RGS6: variants seen among roughly 807,000 people sequenced by gnomAD.
RGS6 encodes regulator of G protein signaling 6.
Under a neutral mutation model 78.5 loss-of-function variants are expected in RGS6, and 30 were observed. The observed-to-expected ratio is 0.38, with a 90% CI of 0.29 to 0.52. RGS6 has a LOEUF of 0.52. Ranked by LOEUF, RGS6 falls within the 20% of genes least tolerant of loss-of-function variation. The pLI, the probability that RGS6 is intolerant of heterozygous loss-of-function variation, is 0.85. For missense variants in RGS6, 495 were observed against 609.7 expected (o/e 0.81, Z 1.98); for synonymous variants, 206 against 206.0 (o/e 1.00, Z 0.00).
At position 72,562,590 on chromosome 14, in the gene RGS6, G is replaced by A; in HGVS notation, c.*123G>A. 1.3e-6 allele frequency: 2 copies of A among 1,540,796 alleles called. No homozygotes were observed. The highest frequency in any genetic ancestry group is 2.4e-5 in the East Asian group (1 of 41,238). On this transcript the variant is annotated 3_prime_UTR_variant, in exon 18 of 18. Coordinates refer to ENST00000553525, the MANE Select transcript of RGS6 (RefSeq NM_001204424.2). ...GGTCACTGTGAAGGAGAAAGAGTGA[G>A]GGCAATGAAGGGCGATGGTGGGGAG...
intron 13 of RGS6, among the ~76,000 whole-genome samples, chr14:72,506,948 A>G (rs1318383591): frequency 1.4e-5 from 2 of 139,334 alleles, no homozygotes; most frequent in African/African-American, 5.2e-5. Context: ...GGAGATCGAG[A>G]CCATCCTGGC....
At chr14:71,983,927 G>A (rs543175019) in intron 2 of RGS6, among the ~76,000 whole-genome samples, 1 of 152,314 alleles carries the variant, frequency 6.6e-6, no homozygotes, top group Admixed American at 6.5e-5. Context: ...AACAAGTAGT[G>A]TACTTATTGA....
intron 13 of RGS6, among the ~76,000 whole-genome samples, chr14:72,505,392 G>T (rs928577358): frequency 8.5e-5 from 13 of 152,166 alleles, no homozygotes; most frequent in African/African-American, 3.1e-4. Context: ...TGACAGAAGG[G>T]AAAGGGAGCT....
intron 2 of RGS6, among the ~76,000 whole-genome samples, chr14:72,188,095 T>C (rs1465060321): frequency 6.6e-6 from 1 of 152,138 alleles, no homozygotes; most frequent in African/African-American, 2.4e-5. Context: ...TGTCCAGTGT[T>C]CCTAAGTGCA....
Position 71,964,782 on chromosome 14 carries a change from G to C in RGS6, c.-10G>C. 6.2e-7 allele frequency: 1 copy of C among 1,605,964 alleles called. No homozygotes were observed. The highest frequency in any genetic ancestry group is 2.2e-5 in the East Asian group (1 of 44,806). On this transcript the variant is annotated 5_prime_UTR_variant, in exon 2 of 18. Transcript: ENST00000553525. ...CATTTATTTTTGCAGTGTGAGTGAA[G>C]ACACTCAGGATGGCTCAAGGATCCG...
chr14:72,475,720 A>T (rs532699533), intron 10 of RGS6, among the ~76,000 whole-genome samples: 8 of 151,662 alleles, frequency 5.3e-5, no homozygotes. Flanking sequence ...CAAGAGCGAG[A>T]CTCCATCTCA....
At chr14:71,943,140 T>C (rs1381729403) in intron 1 of RGS6, among the ~76,000 whole-genome samples, 1 of 152,190 alleles carries the variant, frequency 6.6e-6, no homozygotes, top group African/African-American at 2.4e-5. Context: ...CCTGTGTTGC[T>C]CTCATGAAGA....
intron 2 of RGS6, among the ~76,000 whole-genome samples, chr14:72,337,895 C>A (rs1421853372): frequency 2.0e-5 from 3 of 152,194 alleles, no homozygotes; most frequent in Admixed American, 6.5e-5. Context: ...AGGGTTTCTT[C>A]TTAGATTAAA....
At chr14:72,614,172 G>T in the RGS6 span, among the ~76,000 whole-genome samples, 1 of 152,194 alleles carries the variant, frequency 6.6e-6, no homozygotes, top group African/African-American at 2.4e-5. Context: ...CAAACCCTGG[G>T]AATGCTCAGA....
At chr14:72,001,888 C>T (rs1355190472) in intron 2 of RGS6, among the ~76,000 whole-genome samples, 1 of 134,112 alleles carries the variant, frequency 7.5e-6, no homozygotes, top group Admixed American at 8.2e-5. Flanking sequence ...TTTAGACATC[C>T]ATTAATCTTT....
At chr14:71,947,470 C>T (rs2091700847) in intron 1 of RGS6, among the ~76,000 whole-genome samples, 1 of 152,152 alleles carries the variant, frequency 6.6e-6, no homozygotes, top group Non-Finnish European at 1.5e-5. Flanking sequence ...AAATCTGTTT[C>T]TAATCCCAAG....
downstream of RGS6, among the ~76,000 whole-genome samples, chr14:72,568,994 C>A (rs948805363): frequency 3.3e-5 from 5 of 152,126 alleles, no homozygotes; most frequent in African/African-American, 1.2e-4. Context: ...AGGGAGCGGA[C>A]GTTTAAAAAA....
At chr14:72,474,340 A>G (rs1325812012) in intron 9 of RGS6, among the ~76,000 whole-genome samples, 1 of 152,204 alleles carries the variant, frequency 6.6e-6, no homozygotes, top group African/African-American at 2.4e-5. Context: ...GTAAAAAAAA[A>G]TTTTAAGGAC....
intron 3 of RGS6, among the ~76,000 whole-genome samples, chr14:72,452,289 A>G (rs949172023): frequency 7.3e-5 from 11 of 151,668 alleles, no homozygotes; most frequent in African/African-American, 2.2e-4. Context: ...TTTTTGATCT[A>G]AAGTTTGACT....
At chr14:72,346,629 C>T (rs2078114729) in intron 2 of RGS6, among the ~76,000 whole-genome samples, 1 of 152,172 alleles carries the variant, frequency 6.6e-6, no homozygotes, top group African/African-American at 2.4e-5. Context: ...TGTGAAGTCT[C>T]CAGTTTCAGA....
intron 2 of RGS6, among the ~76,000 whole-genome samples, chr14:72,213,595 A>G (rs1379436903): frequency 6.6e-6 from 1 of 152,208 alleles, no homozygotes; most frequent in African/African-American, 2.4e-5. Context: ...AACTGGGAAC[A>G]ACCCCTCCTT....
At position 72,396,045 on chromosome 14, in the gene RGS6, C is replaced by T. The variant is rs555115196; in HGVS notation, c.184+43851C>T. 8.2e-4 allele frequency among the ~76,000 whole-genome samples: 125 copies of T among 152,168 alleles called. 1 individual carries two copies. The highest frequency in any genetic ancestry group is 2.8e-3 in the African/African-American group (115 of 41,478). On this transcript the variant is annotated intron_variant, in intron 3 of 17. Transcript: ENST00000553525. ...TGATTTATAATCCTTTGGGTATATA[C>T]CCAGTAATGGGATGGCTGGGTCAAA...
intron 10 of RGS6, among the ~76,000 whole-genome samples, chr14:72,475,133 G>C (rs1009887237): frequency 4.6e-5 from 7 of 151,480 alleles, no homozygotes; most frequent in Admixed American, 2.6e-4. Flanking sequence ...AAAGGAGCAA[G>C]AAGTGGCAAA....
intron 2 of RGS6, among the ~76,000 whole-genome samples, chr14:72,143,523 AT>A (rs112867841): frequency 1.3e-5 from 2 of 152,184 alleles, no homozygotes; most frequent in African/African-American, 4.8e-5. Context: ...TTGTGCTGGA[AT>A]TTAAAAGTTG....
Sources: gnomAD v4.1 joint callset for allele counts (sites outside exome capture counted in the v4.1 genomes callset) on GRCh38, gnomAD v4.1.1 for gene constraint, MANE v1.5 for transcripts, NCBI Gene and HGNC (gene_info 2026-07-23, HGNC 2026-07-21) for gene names.